Variants in TLR3 observed in about 807,000 individuals in gnomAD.
TLR3 encodes the protein toll-like receptor 3.
Under a neutral mutation model 66.4 loss-of-function variants are expected in TLR3, and 43 were observed. That is an observed-to-expected ratio of 0.65 (90% confidence interval 0.51 to 0.83). The LOEUF is 0.83. Among genes scored for constraint, TLR3 ranks in the 40% least tolerant of loss-of-function variants. The pLI is 0.00. For missense variants in TLR3, 982 were observed against 1,044.6 expected (o/e 0.94, Z 0.83); for synonymous variants, 397 against 397.2 (o/e 1.00, Z 0.01).
intron 1 of TLR3, among the ~76,000 whole-genome samples, chr4:186,074,801 T>C (rs925017167): frequency 3.9e-5 from 6 of 152,188 alleles, no homozygotes; most frequent in African/African-American, 1.2e-4. Context: ...TTTTCTTCTT[T>C]TTTTTTAACT....
At chr4:186,070,399 T>C (rs1420595663) in intron 1 of TLR3, among the ~76,000 whole-genome samples, 1 of 152,218 alleles carries the variant, frequency 6.6e-6, no homozygotes, top group African/African-American at 2.4e-5. Context: ...CATTTATCGA[T>C]TTAGAGACAA....
chr4:186,079,925 C>T (rs2099303142), intron 3 of TLR3, among the ~76,000 whole-genome samples: 1 of 152,112 alleles, frequency 6.6e-6, no homozygotes, highest in East Asian at 1.9e-4. Context: ...CTGACAGCGC[C>T]CAGGTTGCAG....
At position 186,083,518 on chromosome 4, in the gene TLR3, C is replaced by T. The variant is rs1286538490; in HGVS notation, c.1832C>T (p.Ser611Phe). ...LPASVFNNQVSLKSLNLQKNL... is the reference protein window; with the variant it reads ...LPASVFNNQVFLKSLNLQKNL... ...GCATCTGTCTTTAATAATCAGGTGT[C>T]TCTAAAGTCATTGAACCTTCAGAAG... Residue 611 changes from serine (S) to phenylalanine (F), a missense_variant, in exon 4 of 5, where the codon TCT (serine) becomes TTT (phenylalanine). Transcript: ENST00000296795. This position sits in a 1 kb window ranked among gnomAD's most constrained non-coding sequence, Gnocchi z 4.0. 1.2e-6 allele frequency: 2 copies of T among 1,610,326 alleles called. No individual in the cohort carries two copies. Among genetic ancestry groups the T allele is most frequent in the Non-Finnish European group, 1.7e-6 (2 of 1,178,464 alleles).
At position 186,076,650 on chromosome 4, in the gene TLR3, T is replaced by G; in HGVS notation, c.31T>G (p.Trp11Gly). 6.2e-7 allele frequency: 1 copy of G among 1,614,050 alleles called. No individual in the cohort carries two copies. Among genetic ancestry groups the G allele is most frequent in the Non-Finnish European group, 8.5e-7 (1 of 1,179,970 alleles). Residue 11 changes from tryptophan to glycine, a missense_variant, in exon 2 of 5, where the codon TGG (tryptophan) becomes GGG (glycine). Trp to Gly is a radical substitution (Grantham distance 184). Transcript: ENST00000296795. MRQTLPCIYFWGGLLPFGMLC... is the reference protein window; with the variant it reads MRQTLPCIYFGGGLLPFGMLC... ...ACAGACTTTGCCTTGTATCTACTTT[T>G]GGGGGGGCCTTTTGCCCTTTGGGAT...
chr4:186,084,851 G>A lies in TLR3; in HGVS notation c.2693G>A (p.Gly898Glu), dbSNP rs912144507. ...CGTCATAAATTGCAAGTAGCACTTG[G>A]ATCCAAAAACTCTGTACATTAAATT... ...AFRHKLQVAL[G>E]SKNSVH is the part of the protein sequence containing the mutation. The change falls in exon 5 of 5, where the codon GGA (glycine) becomes GAA (glutamate). Residue 898 changes from glycine to glutamate, a missense_variant. By Grantham distance (98) the Gly-to-Glu change is moderately conservative. Transcript: ENST00000296795. 6.8e-6 allele frequency: 11 copies of A among 1,613,438 alleles called. No individual in the cohort carries two copies. The highest frequency in any genetic ancestry group is 1.3e-5 in the African/African-American group (1 of 74,900).
At chr4:186,070,413 C>T (rs926224893) in intron 1 of TLR3, among the ~76,000 whole-genome samples, 6 of 152,064 alleles carry the variant, frequency 3.9e-5, no homozygotes, top group African/African-American at 1.4e-4. Flanking sequence ...GAGACAAGGT[C>T]TCGCTGTGTT....
At chr4:186,082,016 G>C in intron 3 of TLR3, 1 of 360,218 alleles carries the variant, frequency 2.8e-6, no homozygotes, top group Non-Finnish European at 5.1e-6. Flanking sequence ...CATGAGGTCA[G>C]GAGTTCAAGA....
rs1016826140 is a variant in TLR3, at chr4:186,085,223, T to A, written c.*350T>A. Reference sequence around the variant, plus strand: ...GAGGGTTTGTGATGATCTTTTTGTATTTTGGATGCACTTAGAATGAAAGAT... The same window carrying A: ...GAGGGTTTGTGATGATCTTTTTGTAATTTGGATGCACTTAGAATGAAAGAT... On this transcript the variant is annotated 3_prime_UTR_variant, in exon 5 of 5. Transcript: ENST00000296795. 1 of 249,174 alleles carries A rather than the reference T, an allele frequency of 4.0e-6. No homozygotes were observed. The highest frequency in any genetic ancestry group is 2.3e-5 in the African/African-American group (1 of 43,850). The allele number at this position is 249,174 out of a possible 1,614,324, so 15.4% of individuals were successfully genotyped here.
chr4:186,084,520 TA>T, intron 4 of TLR3, 124 bp from the exon 5 acceptor site: 1 of 701,558 alleles, frequency 1.4e-6, no homozygotes, highest in Non-Finnish European at 2.3e-6. Context: ...ATTTTTAAAA[TA>T]AAATTAAGAA....
At position 186,083,162 on chromosome 4, in the gene TLR3, T is replaced by C; in HGVS notation, c.1476T>C (p.Leu492=). Residue 492 remains leucine (L), a synonymous_variant, in exon 4 of 5, where the codon CTT becomes CTC. Coordinates refer to ENST00000296795, the MANE Select transcript of TLR3 (RefSeq NM_003265.3). The surrounding 1 kb of genome is among the most constrained non-coding windows in gnomAD (Gnocchi z 4.0). ...GACTGATGCTCCGAAGGGTGGCCCT[T>C]AAAAATGTGGATAGCTCTCCTTCAC... is the stretch of plus-strand genomic sequence containing the variant. ...LQRLMLRRVA[L]KNVDSSPSPF... is the part of the protein sequence containing the mutation. The C allele has an allele frequency of 6.2e-7, 1 of 1,614,194 alleles. No homozygotes were observed.
In TLR3 at chr4:186,078,871, G is replaced by A; in HGVS notation, c.473G>A (p.Gly158Asp). The A allele has an allele frequency of 1.2e-6, 2 of 1,613,856 alleles. No homozygotes were observed. Among genetic ancestry groups the A allele is most frequent in the Non-Finnish European group, 8.5e-7 (1 of 1,179,944 alleles). Residue 158 changes from glycine to aspartate, a missense_variant, in exon 3 of 5, where the codon GGC (glycine) becomes GAC (aspartate). Coordinates refer to ENST00000296795, the MANE Select transcript of TLR3 (RefSeq NM_003265.3). ...NLITLDLSHN[G>D]LSSTKLGTQV... Reference sequence around the variant, plus strand: ...ATCACATTAGATCTGTCTCATAATGGCTTGTCATCTACAAAATTAGGAACT... The same window carrying A: ...ATCACATTAGATCTGTCTCATAATGACTTGTCATCTACAAAATTAGGAACT...
intron 3 of TLR3, among the ~76,000 whole-genome samples, chr4:186,080,883 C>T (rs1252017437): frequency 2.6e-5 from 4 of 152,074 alleles, no homozygotes; most frequent in South Asian, 2.1e-4. Flanking sequence ...TGAGCCACCG[C>T]GCCCAGCCTG....
chr4:186,075,991 T>C (rs1205646840), intron 1 of TLR3, among the ~76,000 whole-genome samples: 1 of 151,964 alleles, frequency 6.6e-6, no homozygotes, highest in African/African-American at 2.4e-5. Context: ...TCGTCTCTAC[T>C]AAAAATATAA....
intron 2 of TLR3, among the ~76,000 whole-genome samples, chr4:186,077,512 G>A (rs1431546555): frequency 6.6e-6 from 1 of 152,102 alleles, no homozygotes; most frequent in Non-Finnish European, 1.5e-5. Flanking sequence ...TCTCCTCAGT[G>A]GCTATTTCAA....
Position 186,084,118 on chromosome 4 carries a change from G to A in TLR3, c.2432G>A (p.Arg811Lys), listed in dbSNP as rs1244010954. 7.4e-6 allele frequency: 12 copies of A among 1,613,648 alleles called. No individual in the cohort carries two copies. Among genetic ancestry groups the A allele is most frequent in the Admixed American group, 5.0e-5 (3 of 59,954 alleles). Residue 811 changes from arginine to lysine, a missense_variant, in exon 4 of 5, where the codon AGA (arginine) becomes AAA (lysine). This residue lies in a region of TLR3 where 666 missense variants were observed against 709.0 expected (regional missense o/e 0.94). Transcript: ENST00000296795. ...EAIVNSIKRS[R>K]KIIFVITHHL... Reference sequence around the variant, plus strand: ...ATTGTTAACAGCATCAAAAGAAGCAGAAAAATTATTTTTGTTATAACACAC... The same window carrying A: ...ATTGTTAACAGCATCAAAAGAAGCAAAAAAATTATTTTTGTTATAACACAC...
In TLR3 at chr4:186,083,386, T is replaced by C; in HGVS notation, c.1700T>C (p.Leu567Pro). Residue 567 changes from leucine to proline, a missense_variant, in exon 4 of 5, where the codon CTT becomes CCT. Transcript: ENST00000296795. This position sits in a 1 kb window ranked among gnomAD's most constrained non-coding sequence, Gnocchi z 4.0. Reference sequence around the variant, plus strand: ...AAGGGTCTGTCTCACCTCCACATCCTTAACTTGGAGTCCAACGGCTTTGAC... The same window carrying C: ...AAGGGTCTGTCTCACCTCCACATCCCTAACTTGGAGTCCAACGGCTTTGAC... Reference protein sequence around the residue: ...FLKGLSHLHILNLESNGFDEI... With the variant: ...FLKGLSHLHIPNLESNGFDEI... 2 of 1,614,192 alleles carry C rather than the reference T, an allele frequency of 1.2e-6. No homozygotes were observed. Among genetic ancestry groups the C allele is most frequent in the Non-Finnish European group, 1.7e-6 (2 of 1,180,032 alleles).
At chr4:186,072,829 T>C (rs2099301736) in intron 1 of TLR3, among the ~76,000 whole-genome samples, 1 of 152,186 alleles carries the variant, frequency 6.6e-6, no homozygotes, top group Non-Finnish European at 1.5e-5. Context: ...TCAACATATA[T>C]TTATTTCTTC....
At chr4:186,074,094 C>G (rs2099301993) in intron 1 of TLR3, among the ~76,000 whole-genome samples, 1 of 152,240 alleles carries the variant, frequency 6.6e-6, no homozygotes, top group Non-Finnish European at 1.5e-5. Flanking sequence ...TGGTGCAACA[C>G]TTTCCCAAAG....
Position 186,076,854 on chromosome 4 carries a change from A to T in TLR3, c.235A>T (p.Ser79Cys), listed in dbSNP as rs544033901. ...ANFTRYSQLT[S>C]LDVGFNTISK... is the part of the protein sequence containing the mutation. ...CTTCACAAGGTATAGCCAGCTAACT[A>T]GCTTGGATGTAGGATTTAACACCAT... The change falls in exon 2 of 5, where the codon AGC becomes TGC. Residue 79 changes from serine (S) to cysteine (C), a missense_variant. By Grantham distance (112) the Ser-to-Cys change is moderately radical (BLOSUM62 -1). Around this residue, in one of 3 missense-constraint regions of TLR3, gnomAD observed 313 missense variants for 319.0 expected, o/e 0.98. Coordinates refer to ENST00000296795, the MANE Select transcript of TLR3 (RefSeq NM_003265.3). The T allele has an allele frequency of 1.2e-6, 2 of 1,614,202 alleles. No homozygotes were observed. Among genetic ancestry groups the T allele is most frequent in the East Asian group, 2.2e-5 (1 of 44,876 alleles).
Sources: gnomAD v4.1 joint callset for allele counts (sites outside exome capture counted in the v4.1 genomes callset) on GRCh38, gnomAD v4.1.1 for gene constraint, gnomAD v4.1.1 regional missense constraint, Gnocchi (gnomAD v3.1) non-coding constraint, MANE v1.5 for transcripts, NCBI Gene and HGNC (gene_info 2026-07-23, HGNC 2026-07-21) for gene names.